Variants in ANK3 observed in about 807,000 individuals in gnomAD.
ANK3 encodes ankyrin-3.
In ANK3, 57 loss-of-function variants were observed where a neutral mutation model predicts 370.9. That is an observed-to-expected ratio of 0.15 (90% confidence interval 0.12 to 0.19). The LOEUF is 0.19. Ranked by LOEUF, ANK3 falls within the 10% of genes least tolerant of loss-of-function variation. The pLI is 1.00. For synonymous variants in ANK3, 1,929 were observed against 1,946.3 expected, an observed-to-expected ratio of 0.99 and a Z score of 0.23; for missense variants, 4,439 against 5,302.1, an observed-to-expected ratio of 0.84 and a Z score of 5.06.
chr10:60,498,698 T>C (rs2075721251), intron 2 of ANK3, among the ~76,000 whole-genome samples: 1 of 152,198 alleles, frequency 6.6e-6, no homozygotes, highest in African/African-American at 2.4e-5. Context: ...AATGATAATA[T>C]ATTTTTAATG....
chr10:60,423,459 C>T (rs2063818509), intron 2 of ANK3, among the ~76,000 whole-genome samples: 1 of 151,188 alleles, frequency 6.6e-6, no homozygotes, highest in Admixed American at 6.6e-5. Flanking sequence ...ATTTTTATTA[C>T]CAGGACTTTT....
intron 2 of ANK3, 130 bp from the exon 3 acceptor site, chr10:60,279,278 T>C: frequency 3.8e-6 from 3 of 790,964 alleles, no homozygotes; most frequent in East Asian, 2.6e-5. Flanking sequence ...TGCAGGAACT[T>C]GAATCTTGAA....
At position 60,502,451 on chromosome 10, in the gene ANK3, C is replaced by T. The variant is rs146515352; in HGVS notation, c.96+112735G>A. ...CCTGGTCCTCAGGATAACAGTGGCA[C>T]GAACTATATAATCGTTGCCAAAGCT... is the stretch of plus-strand genomic sequence containing the variant. On this transcript the variant is annotated intron_variant, in intron 2 of 43. Transcript: ENST00000373827. 4.7e-4 allele frequency among the ~76,000 whole-genome samples: 71 copies of T among 152,272 alleles called. 1 individual carries two copies. Among genetic ancestry groups the T allele is most frequent in the African/African-American group, 1.0e-3 (43 of 41,562 alleles).
At chr10:60,672,537 G>A (rs900205211) in intron 1 of ANK3, among the ~76,000 whole-genome samples, 5 of 152,216 alleles carry the variant, frequency 3.3e-5, no homozygotes, top group African/African-American at 1.2e-4. Flanking sequence ...GAAGGGTGGT[G>A]CATCCCAACT....
intron 2 of ANK3, among the ~76,000 whole-genome samples, chr10:60,405,411 T>A (rs1362360373): frequency 2.0e-5 from 3 of 152,154 alleles, no homozygotes; most frequent in Non-Finnish European, 4.4e-5. Context: ...TACTGTATGT[T>A]CCATTTACAT....
intron 2 of ANK3, among the ~76,000 whole-genome samples, chr10:60,497,785 G>T (rs2075697723): frequency 1.3e-5 from 2 of 152,232 alleles, no homozygotes; most frequent in South Asian, 4.1e-4. Context: ...GATGCACAAA[G>T]TTTGAAAAGT....
intron 1 of ANK3, among the ~76,000 whole-genome samples, chr10:60,635,318 T>C (rs1033067527): frequency 5.9e-5 from 9 of 152,212 alleles, no homozygotes; most frequent in Middle Eastern, 3.2e-3. Flanking sequence ...TTATCTGTAA[T>C]TTGAATAAAC....
chr10:60,109,000 A>T lies in ANK3; in HGVS notation c.3003T>A (p.Arg1001=). The part of the protein sequence containing the change: ...DARGGSMRGS[R]HHGMRIIIPP... ...GAATGATGATTCTCATCCCGTGATG[A>T]CGGCTTCCTCTCATGGAGCCCCCTC... Residue 1001 remains arginine, a synonymous_variant, in exon 27 of 44, where the codon CGT becomes CGA. Transcript: ENST00000280772. 6.2e-7 allele frequency: 1 copy of T among 1,613,938 alleles called. No individual in the cohort carries two copies. The highest frequency in any genetic ancestry group is 1.1e-5 in the South Asian group (1 of 91,066).
chr10:60,511,766 T>C (rs1378724614), intron 2 of ANK3, among the ~76,000 whole-genome samples: 1 of 149,536 alleles, frequency 6.7e-6, no homozygotes, highest in Non-Finnish European at 1.5e-5. Context: ...TCTCGCACTA[T>C]CAGCAGGACA....
chr10:60,147,847 A>C (rs1455904082), intron 23 of ANK3, among the ~76,000 whole-genome samples: 1 of 151,746 alleles, frequency 6.6e-6, no homozygotes, highest in Non-Finnish European at 1.5e-5. Flanking sequence ...AGCCAATTAA[A>C]CCTCTTTTCC....
chr10:60,323,745 C>T (rs1217776436), intron 1 of ANK3, among the ~76,000 whole-genome samples: 1 of 152,080 alleles, frequency 6.6e-6, no homozygotes, highest in African/African-American at 2.4e-5. Flanking sequence ...GAAAAAAGAT[C>T]AGACTGAGAA....
chr10:60,269,777 G>A lies in ANK3; in HGVS notation c.513+354C>T, dbSNP rs369035685. 3.3e-5 allele frequency among the ~76,000 whole-genome samples: 5 copies of A among 151,696 alleles called. No homozygotes were observed. The East Asian group carries it at 5.8e-4, about 18-fold the overall frequency. On this transcript the variant is annotated intron_variant, in intron 5 of 43. Coordinates refer to ENST00000280772, the MANE Select transcript of ANK3 (RefSeq NM_020987.5). The stretch of plus-strand genomic sequence containing the variant: ...TTTGGAAAAACAATTTAAAACTAAT[G>A]TTTTATTGAAAAGATAGTTCACATC...
chr10:60,332,680 C>G (rs1197669841), intron 1 of ANK3, among the ~76,000 whole-genome samples: 1 of 152,054 alleles, frequency 6.6e-6, no homozygotes, highest in Admixed American at 6.6e-5. Flanking sequence ...TTGGGAAAGG[C>G]CAAAAATAAA....
At chr10:60,550,405 A>T (rs1174391907) in intron 2 of ANK3, among the ~76,000 whole-genome samples, 1 of 151,974 alleles carries the variant, frequency 6.6e-6, no homozygotes, top group Non-Finnish European at 1.5e-5. Flanking sequence ...AGGTGAATAT[A>T]TCATTTTTAT....
chr10:60,525,580 G>A (rs10821789), intron 2 of ANK3, among the ~76,000 whole-genome samples: 14,741 of 152,082 alleles, frequency 0.097, 1,272 homozygotes, highest in East Asian at 0.31. Flanking sequence ...AATAAGAGAC[G>A]TGGGTTCTGT....
chr10:60,228,340 C>T (rs1048659866), intron 8 of ANK3, among the ~76,000 whole-genome samples: 11 of 151,984 alleles, frequency 7.2e-5, no homozygotes, highest in African/African-American at 2.7e-4. Context: ...TCGAGACCAG[C>T]CTGGCCAATA....
At chr10:60,430,896 T>C (rs555585816) in intron 2 of ANK3, among the ~76,000 whole-genome samples, 6 of 152,300 alleles carry the variant, frequency 3.9e-5, no homozygotes, top group South Asian at 4.1e-4. Flanking sequence ...ACTTAGCCTC[T>C]TCATCTATAA....
At chr10:60,146,614 G>A (rs1343410798) in intron 23 of ANK3, among the ~76,000 whole-genome samples, 5 of 151,986 alleles carry the variant, frequency 3.3e-5, no homozygotes, top group African/African-American at 9.7e-5. Flanking sequence ...TCAGCCTCCC[G>A]AGTAGTTGGG....
chr10:60,667,208 TTATATTATATTAATTATATTGAA>T (rs2079008958), intron 1 of ANK3, among the ~76,000 whole-genome samples: 1 of 121,054 alleles, frequency 8.3e-6, no homozygotes, highest in Non-Finnish European at 1.7e-5. Context: ...TTATATTATA[TTATATTATATTAATTATATTGAA>T]TTGAAGAAAA....
Sources: gnomAD v4.1 joint callset for allele counts (sites outside exome capture counted in the v4.1 genomes callset) on GRCh38, gnomAD v4.1.1 for gene constraint, MANE v1.5 for transcripts, NCBI Gene and HGNC (gene_info 2026-07-23, HGNC 2026-07-21) for gene names.